Variants in NMNAT1 observed in about 807,000 individuals in gnomAD.
The protein encoded by NMNAT1 is nicotinamide/nicotinic acid mononucleotide adenylyltransferase 1.
A neutral mutation model predicts 16.7 loss-of-function variants in NMNAT1; 11 were observed. The ratio of observed to expected loss-of-function variants is 0.66; its 90% CI spans 0.41 to 1.09. The LOEUF (loss-of-function observed/expected upper bound fraction) is 1.09, where lower values mean the gene tolerates loss of function less well. Among genes scored for constraint, NMNAT1 ranks in the 50% least tolerant of loss-of-function variants. NMNAT1 has a pLI of 0.00. For missense variants in NMNAT1, 280 were observed against 332.3 expected, an observed-to-expected ratio of 0.84 and a Z score of 1.22; for synonymous variants, 110 against 119.8, an observed-to-expected ratio of 0.92 and a Z score of 0.53.
intron 1 of NMNAT1, among the ~76,000 whole-genome samples, chr1:9,954,501 AC>A (rs1641203585): frequency 6.6e-6 from 1 of 152,082 alleles, no homozygotes; most frequent in African/African-American, 2.4e-5. Flanking sequence ...GAGCCACTGG[AC>A]CCAGCCCTGT....
chr1:9,986,038 C>T (rs897496616), downstream of NMNAT1, among the ~76,000 whole-genome samples: 6 of 152,134 alleles, frequency 3.9e-5, no homozygotes, highest in African/African-American at 1.4e-4. Context: ...CCCTTGCTAT[C>T]CTTTAATGAA....
At chr1:9,957,173 G>A (rs571169999) in intron 1 of NMNAT1, among the ~76,000 whole-genome samples, 4 of 152,092 alleles carry the variant, frequency 2.6e-5, no homozygotes, top group Non-Finnish European at 5.9e-5. Flanking sequence ...GGGATTACAG[G>A]AATGTACCAG....
chr1:9,971,488 A>G (rs1641686669), intron 1 of NMNAT1, among the ~76,000 whole-genome samples: 1 of 151,794 alleles, frequency 6.6e-6, no homozygotes, highest in South Asian at 2.1e-4. Context: ...TAATTTTTGT[A>G]TTTTTTGTAA....
intron 1 of NMNAT1, among the ~76,000 whole-genome samples, chr1:9,969,694 T>C (rs1373004948): frequency 6.6e-6 from 1 of 152,102 alleles, no homozygotes; most frequent in Admixed American, 6.6e-5. Context: ...GAGGTTGCAG[T>C]GAGCTGAGAT....
At chr1:9,954,372 GC>G (rs1641198579) in intron 1 of NMNAT1, among the ~76,000 whole-genome samples, 1 of 151,272 alleles carries the variant, frequency 6.6e-6, no homozygotes, top group African/African-American at 2.4e-5. Context: ...ACCATGCCCA[GC>G]TAACTTCTTC....
intron 1 of NMNAT1, among the ~76,000 whole-genome samples, chr1:9,962,980 C>T (rs1218838777): frequency 1.3e-5 from 2 of 152,142 alleles, no homozygotes; most frequent in East Asian, 3.9e-4. Flanking sequence ...CGTGCCTGGC[C>T]CCAAATAAGG....
chr1:9,968,067 A>AGTTTTTTGTTTT (rs1641593508), intron 1 of NMNAT1, among the ~76,000 whole-genome samples: 1 of 71,792 alleles, frequency 1.4e-5, no homozygotes, highest in Non-Finnish European at 3.9e-5. Flanking sequence ...TGCCAAATGT[A>AGTTTTTTGTTTT]GTTTTTTTTT....
downstream of NMNAT1, among the ~76,000 whole-genome samples, chr1:9,988,240 C>T (rs58489646): frequency 6.6e-6 from 1 of 152,156 alleles, no homozygotes; most frequent in Non-Finnish European, 1.5e-5. Context: ...AATGATCCAC[C>T]TGCCTTGGCC....
chr1:9,946,255 A>G lies in NMNAT1; in HGVS notation c.-57+2740A>G, dbSNP rs1030806374. On this transcript the variant is annotated intron_variant, in intron 1 of 4. Coordinates refer to ENST00000377205, the MANE Select transcript of NMNAT1 (RefSeq NM_022787.4). ...TGGATAATGAAAACATTTCTAATGCATAAGAGAAATGCATTCTGAAACAAA... is the reference window on the plus strand; with the variant it reads ...TGGATAATGAAAACATTTCTAATGCGTAAGAGAAATGCATTCTGAAACAAA... Among the ~76,000 whole-genome samples, 46 of 152,234 alleles carry G rather than the reference A, an allele frequency of 3.0e-4. 1 individual carries two copies. Among genetic ancestry groups the G allele is most frequent in the Non-Finnish European group, 1.5e-5 (1 of 68,042 alleles).
the NMNAT1 span, among the ~76,000 whole-genome samples, chr1:9,996,072 G>A: frequency 6.6e-6 from 1 of 151,942 alleles, no homozygotes; most frequent in Non-Finnish European, 1.5e-5. Context: ...AGCACTTTGG[G>A]AGGCCAAGGC....
chr1:9,962,024 TC>T (rs1209452634), intron 1 of NMNAT1, among the ~76,000 whole-genome samples: 2 of 151,732 alleles, frequency 1.3e-5, no homozygotes, highest in Admixed American at 1.3e-4. Flanking sequence ...TGCCTCGCCC[TC>T]CCAAAATGCT....
intron 1 of NMNAT1, among the ~76,000 whole-genome samples, chr1:9,970,618 G>A (rs906221834): frequency 6.6e-6 from 1 of 152,036 alleles, no homozygotes; most frequent in Non-Finnish European, 1.5e-5. Context: ...GAACCTGGGA[G>A]GCGGAGCTTG....
intron 1 of NMNAT1, among the ~76,000 whole-genome samples, chr1:9,964,774 C>T (rs369748986): frequency 6.6e-6 from 1 of 150,746 alleles, no homozygotes; most frequent in African/African-American, 2.4e-5. Context: ...ACGGTGAAAC[C>T]CCATCTCTAC....
At chr1:9,992,167 C>T in the NMNAT1 span, among the ~76,000 whole-genome samples, 2 of 150,348 alleles carry the variant, frequency 1.3e-5, no homozygotes, top group Non-Finnish European at 2.9e-5. Context: ...ACTGCAGCCT[C>T]GACCTCCCAG....
At chr1:9,996,673 C>T in the NMNAT1 span, among the ~76,000 whole-genome samples, 1 of 152,118 alleles carries the variant, frequency 6.6e-6, no homozygotes, top group South Asian at 2.1e-4. Flanking sequence ...TTTCCCTCTT[C>T]CCTACCTTGA....
intron 2 of NMNAT1, 71 bp downstream of exon 2, chr1:9,972,259 C>T (rs1641707067): frequency 1.3e-6 from 1 of 791,304 alleles, no homozygotes; most frequent in Non-Finnish European, 2.2e-6. Context: ...ACCTGCAATC[C>T]CAGCATTTTG....
intron 1 of NMNAT1, among the ~76,000 whole-genome samples, chr1:9,956,840 T>C: frequency 6.7e-6 from 1 of 149,888 alleles, no homozygotes; most frequent in Admixed American, 6.7e-5. Context: ...CAAGCGATTC[T>C]CCTGCCTCAG....
At chr1:9,993,049 G>A in the NMNAT1 span, among the ~76,000 whole-genome samples, 1 of 152,200 alleles carries the variant, frequency 6.6e-6, no homozygotes, top group Non-Finnish European at 1.5e-5. Context: ...AGACTCTGAA[G>A]GAAAGGGTGT....
the NMNAT1 span, among the ~76,000 whole-genome samples, chr1:9,994,940 G>T: frequency 5.9e-4 from 90 of 152,116 alleles, no homozygotes; most frequent in African/African-American, 2.1e-3. Context: ...TAGAGATGGG[G>T]TTTCACCATG....
Sources: allele counts gnomAD v4.1 joint callset (sites outside exome capture counted in the v4.1 genomes callset), GRCh38; gene constraint gnomAD v4.1.1; transcripts MANE v1.5; gene names NCBI Gene and HGNC (gene_info 2026-07-23, HGNC 2026-07-21).